Variants in C2orf76 observed in about 807,000 individuals in gnomAD.
C2orf76 encodes UPF0538 protein C2orf76.
A neutral mutation model predicts 16.9 loss-of-function variants in C2orf76; 23 were observed. The ratio of observed to expected loss-of-function variants is 1.36; its 90% CI spans 0.98 to 1.93. The LOEUF is 1.93. C2orf76 is among the 30% of genes most tolerant of loss of function. The probability of loss-of-function intolerance (pLI) is 0.00; values close to 1 mark genes in which losing one functional copy is unlikely to be tolerated. For synonymous variants in C2orf76, 48 were observed against 52.3 expected, an observed-to-expected ratio of 0.92 and a Z score of 0.35; for missense variants, 152 against 152.6, an observed-to-expected ratio of 1.00 and a Z score of 0.02.
intron 5 of C2orf76, among the ~76,000 whole-genome samples, chr2:119,304,721 A>G (rs1678723245): frequency 6.6e-6 from 1 of 152,246 alleles, no homozygotes; most frequent in East Asian, 1.9e-4. Flanking sequence ...AAAACATTAA[A>G]TGGGTTTTAA....
At chr2:119,286,224 C>CAAAAA in the C2orf76 span, among the ~76,000 whole-genome samples, 15 of 60,324 alleles carry the variant, frequency 2.5e-4, no homozygotes, top group Non-Finnish European at 3.3e-4. Flanking sequence ...GACTCCATCT[C>CAAAAA]AAAAAAAAAA....
the C2orf76 span, among the ~76,000 whole-genome samples, chr2:119,293,389 G>T: frequency 6.6e-6 from 1 of 152,230 alleles, no homozygotes; most frequent in Non-Finnish European, 1.5e-5. Context: ...CCTGGGGCAT[G>T]TGTATGTTTA....
chr2:119,365,925 C>T (rs1239114387), intron 1 of C2orf76, among the ~76,000 whole-genome samples: 2 of 152,124 alleles, frequency 1.3e-5, no homozygotes, highest in Non-Finnish European at 2.9e-5. Flanking sequence ...TTCTGCATCA[C>T]CTAGCCAGTC....
At position 119,317,960 on chromosome 2, in the gene C2orf76, C is replaced by G. The variant is rs148014628; in HGVS notation, c.185-457G>C. Among the ~76,000 whole-genome samples, 747 of 152,322 alleles carry G rather than the reference C, an allele frequency of 4.9e-3. 5 individuals are homozygous for G. Among genetic ancestry groups the G allele is most frequent in the African/African-American group, 0.017 (707 of 41,564 alleles). ...AAATGATGATACAGGTGTTGCCACT[C>G]TCAGTATTCAAACACTGTATCTAGG... On this transcript the variant is annotated intron_variant, in intron 3 of 5. Transcript: ENST00000334816.
intron 5 of C2orf76, among the ~76,000 whole-genome samples, chr2:119,307,074 G>A (rs538144204): frequency 3.3e-5 from 5 of 151,964 alleles, no homozygotes; most frequent in African/African-American, 9.7e-5. Flanking sequence ...AGATGACTTC[G>A]AATTTTTCTC....
intron 1 of C2orf76, among the ~76,000 whole-genome samples, chr2:119,359,438 C>A (rs1324876129): frequency 6.6e-6 from 1 of 152,096 alleles, no homozygotes. Flanking sequence ...CTACTGCTAC[C>A]GTAGATAGTG....
chr2:119,344,662 G>T (rs796370795), intron 1 of C2orf76, among the ~76,000 whole-genome samples: 1 of 152,042 alleles, frequency 6.6e-6, no homozygotes, highest in Non-Finnish European at 1.5e-5. Flanking sequence ...CAACAAAAAA[G>T]AAAAGAGACC....
At chr2:119,322,120 G>GTA (rs375235101) in intron 2 of C2orf76, among the ~76,000 whole-genome samples, 6,066 of 150,284 alleles carry the variant, frequency 0.04, 165 homozygotes, top group African/African-American at 0.073. Flanking sequence ...GTATATATGT[G>GTA]TATATATATA....
the C2orf76 span, among the ~76,000 whole-genome samples, chr2:119,282,405 C>A: frequency 6.6e-6 from 1 of 152,136 alleles, no homozygotes; most frequent in East Asian, 1.9e-4. Flanking sequence ...TGGGGTGATT[C>A]GGCACTTCCC....
chr2:119,329,835 G>T (rs1346205558), intron 2 of C2orf76, among the ~76,000 whole-genome samples: 1 of 151,566 alleles, frequency 6.6e-6, no homozygotes, highest in African/African-American at 2.4e-5. Flanking sequence ...TTCTTTAAAT[G>T]GTCAAATATT....
chr2:119,331,729 G>A (rs1347162278), intron 2 of C2orf76, among the ~76,000 whole-genome samples: 1 of 152,194 alleles, frequency 6.6e-6, no homozygotes, highest in Non-Finnish European at 1.5e-5. Flanking sequence ...CCAGGGAAAT[G>A]ATTGTTTTAT....
intron 2 of C2orf76, among the ~76,000 whole-genome samples, chr2:119,328,394 A>C (rs1013976189): frequency 2.0e-5 from 3 of 152,162 alleles, no homozygotes; most frequent in Admixed American, 6.5e-5. Context: ...TGTACTTATT[A>C]GCATTAAATT....
chr2:119,296,233 C>A, the C2orf76 span, among the ~76,000 whole-genome samples: 1 of 152,122 alleles, frequency 6.6e-6, no homozygotes, highest in Non-Finnish European at 1.5e-5. Flanking sequence ...ACAGAAAGGC[C>A]CACTGTCTTG....
the C2orf76 span, among the ~76,000 whole-genome samples, chr2:119,283,047 T>C: frequency 6.6e-6 from 1 of 152,152 alleles, no homozygotes; most frequent in Non-Finnish European, 1.5e-5. Flanking sequence ...TCTGCGGGGA[T>C]GTCATGAATA....
chr2:119,291,558 C>A, the C2orf76 span, among the ~76,000 whole-genome samples: 18 of 151,944 alleles, frequency 1.2e-4, no homozygotes, highest in African/African-American at 4.1e-4. Context: ...GGGCAAGGCA[C>A]CTCGGGAAAT....
rs927886932 is a variant in C2orf76, at chr2:119,311,327, T to G, written c.304+295A>C. 4.1e-6 allele frequency: 4 copies of G among 985,330 alleles called. No homozygotes were observed. The South Asian group carries it at 1.4e-4, about 35-fold the overall frequency. The allele number at this position is 985,330 out of a possible 1,614,324, so 61.0% of individuals were successfully genotyped here. A position where few individuals can be genotyped will look rare whatever the true frequency, so the allele number is the denominator to read the frequency against. On this transcript the variant is annotated intron_variant, in intron 5 of 5. Coordinates refer to ENST00000334816, the MANE Select transcript of C2orf76 (RefSeq NM_001322331.2). Reference sequence around the variant, plus strand: ...CTCAAGTGACAATGATAAGAGTAAGTAGACGTGGTACTTACAACCCGTCAC... The same window carrying G: ...CTCAAGTGACAATGATAAGAGTAAGGAGACGTGGTACTTACAACCCGTCAC...
chr2:119,291,604 C>T, the C2orf76 span, among the ~76,000 whole-genome samples: 1 of 151,878 alleles, frequency 6.6e-6, no homozygotes, highest in African/African-American at 2.4e-5. Flanking sequence ...AAATAAAAAA[C>T]GAGTCCTTCC....
chr2:119,301,841 T>C (rs1040181937), downstream of C2orf76, among the ~76,000 whole-genome samples: 27 of 148,938 alleles, frequency 1.8e-4, no homozygotes, highest in African/African-American at 6.2e-4. Context: ...AGTTTCTTCC[T>C]GAAGATGGAA....
chr2:119,290,616 G>A, the C2orf76 span, among the ~76,000 whole-genome samples: 96,185 of 151,812 alleles, frequency 0.63, 30,911 homozygotes, highest in African/African-American at 0.67. Context: ...GATCACCTGA[G>A]GTAAGGAGTT....
Sources: allele counts gnomAD v4.1 joint callset (sites outside exome capture counted in the v4.1 genomes callset), GRCh38; gene constraint gnomAD v4.1.1; transcripts MANE v1.5; gene names NCBI Gene and HGNC (gene_info 2026-07-23, HGNC 2026-07-21).